PLSCR2: variants seen among roughly 807,000 people sequenced by gnomAD.
PLSCR2 encodes the protein PL scramblase 2.
Under a neutral mutation model 25.3 loss-of-function variants are expected in PLSCR2, and 18 were observed. That is an observed-to-expected ratio of 0.71 (90% CI 0.49 to 1.06). The LOEUF (loss-of-function observed/expected upper bound fraction) is 1.06, where lower values mean the gene tolerates loss of function less well. Among genes scored for constraint, PLSCR2 ranks in the 50% least tolerant of loss-of-function variants. The probability of loss-of-function intolerance (pLI) is 0.00; values close to 1 mark genes in which losing one functional copy is unlikely to be tolerated. For synonymous variants in PLSCR2, 88 were observed against 87.3 expected (o/e 1.01, Z -0.04); for missense variants, 243 against 269.5 (o/e 0.90, Z 0.69).
At chr3:146,482,906 T>C (rs765772974) in intron 1 of PLSCR2, among the ~76,000 whole-genome samples, 6 of 152,128 alleles carry the variant, frequency 3.9e-5, no homozygotes, top group Non-Finnish European at 4.4e-5. Flanking sequence ...TAAAAAATGA[T>C]GAGTTCATGT....
At chr3:146,425,905 C>T (rs924551463) in intron 2 of PLSCR2, among the ~76,000 whole-genome samples, 3 of 151,978 alleles carry the variant, frequency 2.0e-5, no homozygotes, top group Non-Finnish European at 1.5e-5. Context: ...GCATTAAAGC[C>T]ATCATTTTAT....
At chr3:146,444,055 T>C (rs1165360171) in intron 6 of PLSCR2, among the ~76,000 whole-genome samples, 1 of 152,014 alleles carries the variant, frequency 6.6e-6, no homozygotes, top group Non-Finnish European at 1.5e-5. Flanking sequence ...AATTTCCATG[T>C]GTTTTTATAG....
intron 1 of PLSCR2, among the ~76,000 whole-genome samples, chr3:146,488,420 G>A (rs1010648452): frequency 6.6e-6 from 1 of 151,904 alleles, no homozygotes; most frequent in African/African-American, 2.4e-5. Context: ...AAGTTTTGCA[G>A]TCTTTCTATC....
intron 2 of PLSCR2, among the ~76,000 whole-genome samples, chr3:146,411,385 T>G (rs1028715690): frequency 3.3e-5 from 5 of 152,182 alleles, no homozygotes; most frequent in African/African-American, 1.2e-4. Flanking sequence ...AAGTCAAATC[T>G]GACATACCTG....
At chr3:146,456,137 T>C (rs1037002773) in intron 3 of PLSCR2, among the ~76,000 whole-genome samples, 3 of 152,144 alleles carry the variant, frequency 2.0e-5, no homozygotes, top group Non-Finnish European at 4.4e-5. Context: ...ACCACGAGCA[T>C]CCTAAGTGAG....
intron 5 of PLSCR2, among the ~76,000 whole-genome samples, chr3:146,450,631 G>A (rs772155556): frequency 3.3e-5 from 5 of 152,194 alleles, no homozygotes; most frequent in Non-Finnish European, 7.3e-5. Flanking sequence ...GAAAAGCATC[G>A]TCTAGGTAGC....
chr3:146,495,862 G>A (rs566602311), intron 1 of PLSCR2: 41 of 1,511,432 alleles, frequency 2.7e-5, no homozygotes, highest in South Asian at 2.3e-4. Context: ...TTTGAAGCAC[G>A]TTAGTCTCTG....
At chr3:146,487,971 C>T (rs915938934) in intron 1 of PLSCR2, among the ~76,000 whole-genome samples, 1 of 152,050 alleles carries the variant, frequency 6.6e-6, no homozygotes, top group Non-Finnish European at 1.5e-5. Context: ...GGTACCAAAA[C>T]AGACATACAG....
intron 1 of PLSCR2, among the ~76,000 whole-genome samples, chr3:146,488,387 A>T (rs2043422680): frequency 6.6e-6 from 1 of 152,204 alleles, no homozygotes; most frequent in East Asian, 1.9e-4. Flanking sequence ...CAGAGTGAAC[A>T]GATAACCTAA....
At chr3:146,493,029 T>G (rs770909412) in intron 1 of PLSCR2, among the ~76,000 whole-genome samples, 2 of 151,880 alleles carry the variant, frequency 1.3e-5, no homozygotes, top group Non-Finnish European at 2.9e-5. Flanking sequence ...TTACAAACAC[T>G]TCTATGTACA....
intron 1 of PLSCR2, among the ~76,000 whole-genome samples, chr3:146,480,783 A>C (rs1237074031): frequency 6.6e-6 from 1 of 151,858 alleles, no homozygotes; most frequent in Non-Finnish European, 1.5e-5. Flanking sequence ...ACAACAAAAA[A>C]AGAAAATTTT....
intron 2 of PLSCR2, among the ~76,000 whole-genome samples, chr3:146,424,326 C>A (rs1403640): frequency 0.58 from 87,147 of 151,522 alleles, 25,473 homozygotes; most frequent in South Asian, 0.76. Context: ...CCCCATCCTT[C>A]TGACCTCATT....
chr3:146,480,006 A>G (rs1411603308), intron 1 of PLSCR2, among the ~76,000 whole-genome samples: 1 of 152,220 alleles, frequency 6.6e-6, no homozygotes, highest in Non-Finnish European at 1.5e-5. Context: ...TAACAAAATG[A>G]AGGCAAAAAT....
At chr3:146,477,753 A>C (rs954151548) in intron 1 of PLSCR2, among the ~76,000 whole-genome samples, 7 of 152,174 alleles carry the variant, frequency 4.6e-5, no homozygotes, top group Admixed American at 2.0e-4. Flanking sequence ...ACAGCATTTG[A>C]GCTCTGAGAA....
chr3:146,473,569 A>G (rs2042190843), intron 1 of PLSCR2, among the ~76,000 whole-genome samples: 1 of 152,092 alleles, frequency 6.6e-6, no homozygotes, highest in Non-Finnish European at 1.5e-5. Flanking sequence ...ACCTCCCAAA[A>G]TGCTGCGATT....
downstream of PLSCR2, among the ~76,000 whole-genome samples, chr3:146,437,466 T>C (rs972536895): frequency 6.6e-6 from 1 of 152,196 alleles, no homozygotes; most frequent in Non-Finnish European, 1.5e-5. Flanking sequence ...TATTGGTCTA[T>C]TCAGGGATTC....
intron 1 of PLSCR2, among the ~76,000 whole-genome samples, chr3:146,475,610 A>T (rs888814061): frequency 1.1e-4 from 17 of 152,098 alleles, no homozygotes; most frequent in African/African-American, 3.9e-4. Context: ...ATATTAATCT[A>T]TTTTCTTCAT....
intron 5 of PLSCR2, among the ~76,000 whole-genome samples, chr3:146,451,400 C>T (rs1265971245): frequency 6.6e-6 from 1 of 152,060 alleles, no homozygotes; most frequent in Admixed American, 6.6e-5. Flanking sequence ...CATAAGCCAC[C>T]GTGCCCGGCC....
At chr3:146,429,782 C>T (rs556413241), downstream of PLSCR2, among the ~76,000 whole-genome samples, 3 of 152,166 alleles carry the variant, frequency 2.0e-5, no homozygotes, top group East Asian at 5.8e-4. Flanking sequence ...CCCGCCACCA[C>T]ACCCAGCTAA....
Sources: allele counts gnomAD v4.1 joint callset (sites outside exome capture counted in the v4.1 genomes callset), GRCh38; gene constraint gnomAD v4.1.1; transcripts MANE v1.5; gene names NCBI Gene and HGNC (gene_info 2026-07-23, HGNC 2026-07-21).